The following REPS2 variants were observed in gnomAD, a reference collection of about 807,000 sequenced individuals.
REPS2 encodes ralBP1-associated Eps domain-containing protein 2.
REPS2 carries 23 observed loss-of-function variants against 53.6 expected under a neutral mutation model. The ratio of observed to expected loss-of-function variants is 0.43; its 90% CI spans 0.31 to 0.61. The LOEUF is 0.61. Among genes scored for constraint, REPS2 ranks in the 20% least tolerant of loss-of-function variants. The pLI, the probability that REPS2 is intolerant of heterozygous loss-of-function variation, is 0.11. For missense variants in REPS2, 446 were observed against 534.9 expected, an observed-to-expected ratio of 0.83 and a Z score of 1.64; for synonymous variants, 238 against 218.6, an observed-to-expected ratio of 1.09 and a Z score of -0.78.
chrX:17,058,023 C>T (rs746852750), intron 8 of REPS2, among the ~76,000 whole-genome samples: 1 of 112,502 alleles, frequency 8.9e-6, no homozygotes, highest in East Asian at 2.8e-4. Context: ...ACTGAGTTTT[C>T]TGTTTGGGGG....
chrX:17,166,203 G>A, the REPS2 span, among the ~76,000 whole-genome samples: 2 of 110,743 alleles, frequency 1.8e-5, no homozygotes, highest in Non-Finnish European at 3.8e-5. Flanking sequence ...TGCTTTCTTT[G>A]TCACCCACAG....
intron 13 of REPS2, among the ~76,000 whole-genome samples, chrX:17,090,300 A>G (rs2062598140): frequency 8.9e-6 from 1 of 112,524 alleles, no homozygotes; most frequent in South Asian, 3.6e-4. Context: ...AAGCCTCACA[A>G]TCATGGCAGA....
chrX:16,950,786 C>T (rs957919570), intron 1 of REPS2, among the ~76,000 whole-genome samples: 6 of 112,789 alleles, frequency 5.3e-5, no homozygotes, highest in African/African-American at 1.6e-4. Context: ...CTGTGGCGCA[C>T]GCCTGTAGTC....
intron 1 of REPS2, among the ~76,000 whole-genome samples, chrX:16,952,186 T>C (rs1027819681): frequency 1.8e-5 from 2 of 111,292 alleles, no homozygotes; most frequent in Non-Finnish European, 3.8e-5. Flanking sequence ...CATCAACCCA[T>C]CATCTACATT....
chrX:16,977,548 TAAA>T (rs1346874918), intron 1 of REPS2, among the ~76,000 whole-genome samples: 1 of 108,950 alleles, frequency 9.2e-6, no homozygotes, highest in Non-Finnish European at 1.9e-5. Flanking sequence ...CCCCCATCTC[TAAA>T]AAATTTTTAA....
chrX:17,006,327 T>G lies in REPS2; in HGVS notation c.380T>G (p.Ile127Arg). 1 of 1,209,641 alleles carries G rather than the reference T, an allele frequency of 8.3e-7. No individual in the cohort carries two copies. Among genetic ancestry groups the G allele is most frequent in the Non-Finnish European group, 1.1e-6 (1 of 893,797 alleles). Residue 127 changes from isoleucine (I) to arginine (R), a missense_variant, in exon 2 of 18, where the codon ATA becomes AGA. Ile to Arg is a moderately conservative substitution (Grantham distance 97). Coordinates refer to ENST00000357277, the MANE Select transcript of REPS2 (RefSeq NM_004726.3). The part of the protein sequence containing the change: ...AAAQSGLPVR[I>R]ESIKCELPLP... The stretch of plus-strand genomic sequence containing the variant: ...GCACAATCTGGCCTCCCGGTACGGA[T>G]AGAGAGTATTAAATGTGGTGAGTAT...
At chrX:17,123,580 C>G (rs1299006408) in intron 14 of REPS2, among the ~76,000 whole-genome samples, 1 of 112,344 alleles carries the variant, frequency 8.9e-6, no homozygotes, top group Non-Finnish European at 1.9e-5. Flanking sequence ...TCCTGAGCCC[C>G]TCTGTCAGTG....
intron 5 of REPS2, among the ~76,000 whole-genome samples, chrX:17,035,531 G>A (rs923854577): frequency 4.5e-5 from 5 of 110,945 alleles, no homozygotes; most frequent in Admixed American, 2.9e-4. Context: ...GGTCAGGCCC[G>A]CCCGGATTCT....
At chrX:17,102,132 G>T (rs1253857953) in intron 13 of REPS2, among the ~76,000 whole-genome samples, 2 of 110,116 alleles carry the variant, frequency 1.8e-5, no homozygotes, top group East Asian at 5.7e-4. Flanking sequence ...GCCTAGGCTG[G>T]AGTGCAGTGG....
chrX:17,014,899 C>T (rs188010780), intron 2 of REPS2, among the ~76,000 whole-genome samples: 7 of 113,094 alleles, frequency 6.2e-5, no homozygotes, highest in African/African-American at 1.9e-4. Flanking sequence ...ATGTTCAAAT[C>T]TGTACTAGAA....
chrX:17,096,729 G>GA (rs2062709942), intron 13 of REPS2, among the ~76,000 whole-genome samples: 1 of 99,569 alleles, frequency 1.0e-5, no homozygotes, highest in East Asian at 3.4e-4. Context: ...TTATAAAAAT[G>GA]AAAAAAACAT....
chrX:17,156,984 C>A (rs1656713373), downstream of REPS2, among the ~76,000 whole-genome samples: 2 of 110,732 alleles, frequency 1.8e-5, no homozygotes, highest in Admixed American at 1.9e-4. Context: ...GATAGATTGA[C>A]CATCTATTTT....
intron 14 of REPS2, among the ~76,000 whole-genome samples, chrX:17,111,251 T>C (rs1292671576): frequency 8.9e-6 from 1 of 112,088 alleles, no homozygotes; most frequent in African/African-American, 3.2e-5. Context: ...CTTGCTGTAA[T>C]ATATTCAAAT....
intron 13 of REPS2, among the ~76,000 whole-genome samples, chrX:17,101,352 G>A (rs1000678672): frequency 4.5e-5 from 5 of 110,885 alleles, no homozygotes; most frequent in Non-Finnish European, 9.4e-5. Context: ...GTGAGCCATC[G>A]CGCCAGGCCT....
chrX:17,058,516 G>A (rs956392258), intron 8 of REPS2, among the ~76,000 whole-genome samples: 6 of 108,820 alleles, frequency 5.5e-5, no homozygotes, highest in African/African-American at 2.0e-4. Flanking sequence ...TGAGCTAAAA[G>A]TATGTTAACA....
intron 13 of REPS2, among the ~76,000 whole-genome samples, chrX:17,093,202 T>G (rs199875461): frequency 3.0e-4 from 4 of 13,157 alleles, no homozygotes; most frequent in Non-Finnish European, 2.4e-4. Flanking sequence ...ATATATATAA[T>G]TTTTTTTTTG....
At position 17,069,966 on chromosome X, in the gene REPS2, T is replaced by C. The variant is rs747808300; in HGVS notation, c.1306T>C (p.Leu436=). Reference sequence around the variant, plus strand: ...TTTGAAAAGTACTATCAATGAAGCCTTACCAAAGGACGTGTCTGAGGATCC... The same window carrying C: ...TTTGAAAAGTACTATCAATGAAGCCCTACCAAAGGACGTGTCTGAGGATCC... ...QALKSTINEA[L]PKDVSEDPAT... Residue 436 remains leucine (L), a synonymous_variant, in exon 11 of 18, where the codon TTA becomes CTA. Coordinates refer to ENST00000357277, the MANE Select transcript of REPS2 (RefSeq NM_004726.3). 1.8e-5 allele frequency: 20 copies of C among 1,141,025 alleles called. No homozygotes were observed. The South Asian group carries it at 4.5e-4, about 25-fold the overall frequency. 94.0% of individuals were successfully genotyped at this position (1,141,025 alleles called of 1,213,427 possible).
At chrX:17,159,293 C>G in the REPS2 span, among the ~76,000 whole-genome samples, 1 of 111,726 alleles carries the variant, frequency 9.0e-6, no homozygotes. Flanking sequence ...ATGTTTCAAG[C>G]TCATTAATAT....
chrX:17,138,819 A>C, intron 16 of REPS2, 37 bp from the exon 17 acceptor site: 1 of 1,003,334 alleles, frequency 1.0e-6, no homozygotes, highest in Non-Finnish European at 1.4e-6. Flanking sequence ...CAGACCTCTA[A>C]GTCCTTTTTC....
Sources: gnomAD v4.1 joint callset for allele counts (sites outside exome capture counted in the v4.1 genomes callset) on GRCh38, gnomAD v4.1.1 for gene constraint, MANE v1.5 for transcripts, NCBI Gene and HGNC (gene_info 2026-07-23, HGNC 2026-07-21) for gene names.